The following UBR2 variants were observed in gnomAD, a reference collection of about 807,000 sequenced individuals.
UBR2 encodes the protein E3 ubiquitin-protein ligase UBR2.
Under a neutral mutation model 247.9 loss-of-function variants are expected in UBR2, and 92 were observed. That is an observed-to-expected ratio of 0.37 (90% CI 0.31 to 0.44). The LOEUF (loss-of-function observed/expected upper bound fraction) is 0.44, where lower values mean the gene tolerates loss of function less well. UBR2 is among the 20% of genes least tolerant of loss of function. The pLI is 1.00. For missense variants in UBR2, 1,613 were observed against 2,112.6 expected, an observed-to-expected ratio of 0.76 and a Z score of 4.64; for synonymous variants, 672 against 693.5, an observed-to-expected ratio of 0.97 and a Z score of 0.49.
intron 11 of UBR2, among the ~76,000 whole-genome samples, chr6:42,630,849 T>G (rs909502814): frequency 1.3e-5 from 2 of 152,282 alleles, no homozygotes; most frequent in African/African-American, 4.8e-5. Flanking sequence ...TCTCACTCTG[T>G]CGCCCAGGCT....
At chr6:42,632,069 A>AAAAAAAAT (rs56721828) in intron 11 of UBR2, among the ~76,000 whole-genome samples, 4 of 114,088 alleles carry the variant, frequency 3.5e-5, no homozygotes, top group African/African-American at 1.4e-4. Flanking sequence ...AAAAAAAAAA[A>AAAAAAAAT]ATATATATAT....
intron 11 of UBR2, among the ~76,000 whole-genome samples, chr6:42,623,109 A>G (rs957523324): frequency 6.6e-6 from 1 of 152,152 alleles, no homozygotes; most frequent in Admixed American, 6.6e-5. Context: ...CCTCAACTAC[A>G]GTGTTAAATA....
At chr6:42,574,050 T>C (rs1435105694) in intron 2 of UBR2, 57 bp downstream of exon 2, 3 of 1,451,360 alleles carry the variant, frequency 2.1e-6, no homozygotes, top group South Asian at 1.5e-5. Flanking sequence ...CCTCTTTTTT[T>C]CCCTGGAACT....
At chr6:42,589,900 A>C (rs1582468289) in intron 2 of UBR2, among the ~76,000 whole-genome samples, 1 of 152,064 alleles carries the variant, frequency 6.6e-6, no homozygotes, top group East Asian at 1.9e-4. Context: ...TGCCTTGAAG[A>C]TTTTCTTGTT....
In UBR2 at chr6:42,692,196, A is replaced by G. The variant is rs1799784658; in HGVS notation, c.*1023A>G. ...CTTTTAGAATACCCTAATGTTTCAG[A>G]CAGTGATATTCTCTTGTTATTTCTA... On this transcript the variant is annotated 3_prime_UTR_variant, in exon 47 of 47. Coordinates refer to ENST00000372901, the MANE Select transcript of UBR2 (RefSeq NM_001363705.2). The G allele has an allele frequency of 6.6e-6, 1 of 152,182 alleles. No homozygotes were observed. Among genetic ancestry groups the G allele is most frequent in the Admixed American group, 6.5e-5 (1 of 15,268 alleles). The allele number at this position is 152,182 out of a possible 1,614,324, so 9.4% of individuals were successfully genotyped here.
chr6:42,657,996 T>C (rs766714712), intron 26 of UBR2, 28 bp from the exon 27 acceptor site: 1 of 1,534,886 alleles, frequency 6.5e-7, no homozygotes, highest in Non-Finnish European at 9.0e-7. Context: ...TAGCTATTGT[T>C]ATTGTGCCTT....
intron 16 of UBR2, 24 bp downstream of exon 16, chr6:42,640,294 GTGAA>G (rs1478141036): frequency 2.3e-5 from 36 of 1,562,728 alleles, no homozygotes; most frequent in Non-Finnish European, 3.0e-5. Context: ...ACATTTAAAA[GTGAA>G]TACTTATTTA....
chr6:42,575,699 C>G (rs926237035), intron 2 of UBR2, among the ~76,000 whole-genome samples: 1 of 152,082 alleles, frequency 6.6e-6, no homozygotes, highest in African/African-American at 2.4e-5. Flanking sequence ...TGTTTTAACC[C>G]TGTCAGGTGG....
intron 4 of UBR2, among the ~76,000 whole-genome samples, chr6:42,602,929 AC>A (rs1793480469): frequency 6.6e-6 from 1 of 152,130 alleles, no homozygotes; most frequent in Non-Finnish European, 1.5e-5. Flanking sequence ...ATAGTGCAAA[AC>A]ATTTTGCTAG....
Position 42,689,465 on chromosome 6 carries a change from G to A in UBR2, c.5025-104G>A. 9.1e-7 allele frequency: 1 copy of A among 1,095,490 alleles called. No individual in the cohort carries two copies. Among genetic ancestry groups the A allele is most frequent in the African/African-American group, 1.6e-5 (1 of 64,492 alleles). 67.9% of individuals were successfully genotyped at this position (1,095,490 alleles called of 1,614,324 possible). On this transcript the variant is annotated intron_variant, in intron 45 of 46. Transcript: ENST00000372901. This position sits in a 1 kb window ranked among gnomAD's most constrained non-coding sequence, Gnocchi z 4.0. ...TTTAATGGATAACTTCCTCCTAATAGTGGTTTAAATATCAGTACTATAAGA... is the reference window on the plus strand; with the variant it reads ...TTTAATGGATAACTTCCTCCTAATAATGGTTTAAATATCAGTACTATAAGA...
intron 4 of UBR2, among the ~76,000 whole-genome samples, chr6:42,599,128 A>G (rs773136585): frequency 6.6e-6 from 1 of 152,112 alleles, no homozygotes; most frequent in Non-Finnish European, 1.5e-5. Context: ...AGAAATATTA[A>G]CTGAACAACA....
intron 2 of UBR2, among the ~76,000 whole-genome samples, chr6:42,580,992 G>A (rs1264376411): frequency 6.8e-6 from 1 of 146,678 alleles, no homozygotes; most frequent in Non-Finnish European, 1.5e-5. Flanking sequence ...ATTACCTTGG[G>A]TGGTTCTAGA....
At chr6:42,628,742 A>T (rs1795510911) in intron 11 of UBR2, among the ~76,000 whole-genome samples, 2 of 139,008 alleles carry the variant, frequency 1.4e-5, no homozygotes, top group African/African-American at 5.3e-5. Flanking sequence ...AAAAAAAAAA[A>T]ATAGTGCTTA....
At chr6:42,590,353 T>C (rs2151916002) in intron 2 of UBR2, among the ~76,000 whole-genome samples, 1 of 152,328 alleles carries the variant, frequency 6.6e-6, no homozygotes, top group African/African-American at 2.4e-5. Context: ...CATTTGTCTT[T>C]TCTGTTAAAT....
chr6:42,630,187 T>TG (rs1253908999), intron 11 of UBR2, among the ~76,000 whole-genome samples: 1 of 142,418 alleles, frequency 7.0e-6, no homozygotes, highest in Admixed American at 7.1e-5. Flanking sequence ...ATTATTTACT[T>TG]TTTTTTTTTT....
intron 14 of UBR2, among the ~76,000 whole-genome samples, chr6:42,636,367 CAG>C (rs1244727759): frequency 1.3e-5 from 2 of 151,908 alleles, no homozygotes; most frequent in Non-Finnish European, 2.9e-5. Context: ...TTTGTAGAGA[CAG>C]GGCTTCGCCG....
chr6:42,650,072 T>C (rs931863693), intron 22 of UBR2, among the ~76,000 whole-genome samples: 10 of 152,240 alleles, frequency 6.6e-5, no homozygotes, highest in Non-Finnish European at 1.2e-4. Context: ...ACTTGTCTAG[T>C]TAGGATAAAT....
intron 24 of UBR2, 143 bp downstream of exon 24, chr6:42,652,214 T>C: frequency 2.3e-6 from 2 of 868,536 alleles, no homozygotes; most frequent in Non-Finnish European, 3.5e-6. Flanking sequence ...TTCAGAGGAA[T>C]AATAAATATG....
At chr6:42,654,130 G>A (rs754752543) in intron 25 of UBR2, among the ~76,000 whole-genome samples, 22 of 152,232 alleles carry the variant, frequency 1.4e-4, no homozygotes, top group East Asian at 5.8e-4. Context: ...TTGTCTCACT[G>A]GCTAAGATGT....
Sources: allele counts gnomAD v4.1 joint callset (sites outside exome capture counted in the v4.1 genomes callset), GRCh38; gene constraint gnomAD v4.1.1; non-coding constraint Gnocchi (gnomAD v3.1); transcripts MANE v1.5; gene names NCBI Gene and HGNC (gene_info 2026-07-23, HGNC 2026-07-21).